The following SIRPB2 variants were observed in gnomAD, a reference collection of about 807,000 sequenced individuals.
The protein encoded by SIRPB2 is signal-regulatory protein beta-2.
Under a neutral mutation model 27.1 loss-of-function variants are expected in SIRPB2, and 18 were observed. That is an observed-to-expected ratio of 0.66 (90% CI 0.46 to 0.98). The LOEUF is 0.98. Among genes scored for constraint, SIRPB2 ranks in the 50% least tolerant of loss-of-function variants. The probability of loss-of-function intolerance (pLI) is 0.00; values close to 1 mark genes in which losing one functional copy is unlikely to be tolerated. For missense variants in SIRPB2, 420 were observed against 417.4 expected (o/e 1.01, Z -0.06); for synonymous variants, 150 against 164.6 (o/e 0.91, Z 0.68).
intron 1 of SIRPB2, among the ~76,000 whole-genome samples, chr20:1,490,831 G>A (rs2090769996): frequency 6.6e-6 from 1 of 152,216 alleles, no homozygotes; most frequent in Non-Finnish European, 1.5e-5. Flanking sequence ...CTGCTCTGCT[G>A]TGTTGCTCAA....
chr20:1,477,382 T>A lies in SIRPB2; in HGVS notation c.815A>T (p.Glu272Val). ...KVKAKSTSSKEAEFTSEPATE... is the reference protein window; with the variant it reads ...KVKAKSTSSKVAEFTSEPATE... The stretch of plus-strand genomic sequence containing the variant: ...TGCAGGTTCACTGGTGAATTCTGCC[T>A]CTTTGGAAGAGGTAGATTTTGCTGC... The change falls in exon 4 of 5, where the codon GAG (glutamate) becomes GTG (valine). Residue 272 changes from glutamate (E) to valine (V), a missense_variant. Glu to Val is a moderately radical substitution (Grantham distance 121). Transcript: ENST00000359801. 6.2e-7 allele frequency: 1 copy of A among 1,613,646 alleles called. No homozygotes were observed. The highest frequency in any genetic ancestry group is 8.5e-7 in the Non-Finnish European group (1 of 1,179,600).
intron 1 of SIRPB2, among the ~76,000 whole-genome samples, chr20:1,482,285 T>C (rs1385213671): frequency 6.6e-6 from 1 of 152,200 alleles, no homozygotes; most frequent in East Asian, 1.9e-4. Context: ...CAATACATTG[T>C]TGTGAATTAT....
At chr20:1,485,740 T>C (rs1002927534) in intron 1 of SIRPB2, among the ~76,000 whole-genome samples, 24 of 151,830 alleles carry the variant, frequency 1.6e-4, no homozygotes, top group African/African-American at 5.8e-4. Context: ...TCTAGTCAGA[T>C]TGAACAGAGG....
chr20:1,490,489 C>T lies in SIRPB2; in HGVS notation c.85+786G>A, dbSNP rs534532682. Among the ~76,000 whole-genome samples the T allele has an allele frequency of 2.6e-5, 4 of 152,302 alleles. No individual in the cohort carries two copies. The East Asian group carries it at 7.7e-4, about 29-fold the overall frequency. The stretch of plus-strand genomic sequence containing the variant: ...GAGGCTGAGCTATATATTCAGGGGT[C>T]TCAAGACTCTGGAGCTAACCTGGCC... On this transcript the variant is annotated intron_variant, in intron 1 of 4. Coordinates refer to ENST00000359801, the MANE Select transcript of SIRPB2 (RefSeq NM_001122962.2).
chr20:1,487,709 C>T (rs570420822), intron 1 of SIRPB2, among the ~76,000 whole-genome samples: 2 of 152,154 alleles, frequency 1.3e-5, no homozygotes, highest in Non-Finnish European at 2.9e-5. Flanking sequence ...TGGGTGTGAT[C>T]GTCATAGCAC....
In SIRPB2 at chr20:1,476,221, G is replaced by A. The variant is rs1311682419; in HGVS notation, c.975C>T (p.Thr325=). 6.2e-7 allele frequency: 1 copy of A among 1,614,074 alleles called. No individual in the cohort carries two copies. The highest frequency in any genetic ancestry group is 8.5e-7 in the Non-Finnish European group (1 of 1,179,988). The change falls in exon 5 of 5, where the codon ACC becomes ACT. Residue 325 remains threonine (T), a synonymous_variant. Transcript: ENST00000359801. ...RRSPGQEDVK[T]TGPAGAMNTL... ...TGTTCATGGCTCCTGCTGGGCCTGT[G>A]GTCTTGACATCTTCTTGCCCAGGGC... is the stretch of plus-strand genomic sequence containing the variant.
Position 1,479,651 on chromosome 20 carries a change from A to G in SIRPB2, c.451+49T>C, listed in dbSNP as rs757753641. The G allele has an allele frequency of 2.3e-5, 37 of 1,595,202 alleles. 1 individual carries two copies. In the Admixed American group the frequency reaches 6.3e-4, roughly 27 times the overall value. The stretch of plus-strand genomic sequence containing the variant: ...ATACAGTGGATAAAGGTGACTGTGC[A>G]GGGAAACAGACTGGAGCAAATGTGT... On this transcript the variant is annotated intron_variant, in intron 2 of 4. Coordinates refer to ENST00000359801, the MANE Select transcript of SIRPB2 (RefSeq NM_001122962.2).
chr20:1,482,563 C>G (rs1372527725), intron 1 of SIRPB2, among the ~76,000 whole-genome samples: 1 of 151,134 alleles, frequency 6.6e-6, no homozygotes, highest in African/African-American at 2.4e-5. Flanking sequence ...TCCTTCCTCT[C>G]TCTCTTTCTC....
At chr20:1,477,160 G>A in intron 4 of SIRPB2, 178 bp downstream of exon 4, 2 of 1,573,082 alleles carry the variant, frequency 1.3e-6, no homozygotes, top group Non-Finnish European at 8.6e-7. Flanking sequence ...TTATAGCTGA[G>A]CTGTTATAAC....
chr20:1,473,457 T>C (rs970350185), downstream of SIRPB2, among the ~76,000 whole-genome samples: 3 of 151,828 alleles, frequency 2.0e-5, no homozygotes, highest in Non-Finnish European at 2.9e-5. Flanking sequence ...CACACCCACA[T>C]AGGTGCACAC....
At chr20:1,479,571 A>G in intron 2 of SIRPB2, 129 bp downstream of exon 2, 3 of 1,361,330 alleles carry the variant, frequency 2.2e-6, no homozygotes, top group Non-Finnish European at 3.0e-6. Flanking sequence ...ATGTGCATGT[A>G]GAGATACAAA....
At position 1,479,982 on chromosome 20, in the gene SIRPB2, G is replaced by A. The variant is rs1476004109; in HGVS notation, c.169C>T (p.Leu57=). ...PMLVAEGETL[L]LRCMVVGSCT... ...GAGCCGACCACCATACACCTCAGTA[G>A]AAGTGTCTCACCTTCTGCCACCAGC... Residue 57 remains leucine (L), a synonymous_variant, in exon 2 of 5, where the codon CTA becomes TTA. Transcript: ENST00000359801. 6.2e-7 allele frequency: 1 copy of A among 1,614,172 alleles called. No individual in the cohort carries two copies. The highest frequency in any genetic ancestry group is 8.5e-7 in the Non-Finnish European group (1 of 1,180,042).
downstream of SIRPB2, chr20:1,470,843 A>G (rs1224389762): frequency 1.3e-5 from 2 of 152,238 alleles, no homozygotes; most frequent in Non-Finnish European, 2.9e-5. Context: ...CATGATTGTA[A>G]GTGACGCTCC....
In SIRPB2 at chr20:1,477,498, C is replaced by T. The variant is rs1438656497; in HGVS notation, c.794-95G>A. Reference sequence around the variant, plus strand: ...GCTGGGATCTCTGGGATGAGTCTGCCAGTTTCTATGTGGGTATGGGCTAGA... The same window carrying T: ...GCTGGGATCTCTGGGATGAGTCTGCTAGTTTCTATGTGGGTATGGGCTAGA... On this transcript the variant is annotated intron_variant, in intron 3 of 4. Transcript: ENST00000359801. 3.3e-6 allele frequency: 5 copies of T among 1,528,102 alleles called. No homozygotes were observed. The African/African-American group carries it at 6.9e-5, about 21-fold the overall frequency. The allele number at this position is 1,528,102 out of a possible 1,614,324, so 94.7% of individuals were successfully genotyped here.
chr20:1,477,180 T>C (rs1463963530), intron 4 of SIRPB2, 158 bp downstream of exon 4: 7 of 1,599,012 alleles, frequency 4.4e-6, no homozygotes, highest in Non-Finnish European at 6.0e-6. Flanking sequence ...CATGGTTCTC[T>C]GGGGTCCTAG....
At position 1,477,414 on chromosome 20, in the gene SIRPB2, G is replaced by A; in HGVS notation, c.794-11C>T. ...AAGAGGTAGATTTTGCTGCAAGGGA[G>A]AGAGGCTTTGTCATACTTCCCTTTA... On this transcript the variant is annotated splice_polypyrimidine_tract_variant and intron_variant, in intron 3 of 4. Transcript: ENST00000359801. 1.2e-6 allele frequency: 2 copies of A among 1,608,002 alleles called. No homozygotes were observed. Among genetic ancestry groups the A allele is most frequent in the East Asian group, 2.2e-5 (1 of 44,768 alleles).
downstream of SIRPB2, chr20:1,471,221 C>A (rs1232175760): frequency 6.6e-6 from 1 of 152,210 alleles, no homozygotes; most frequent in Non-Finnish European, 1.5e-5. Context: ...GGCTTAATGG[C>A]ATTGGGGCAT....
In SIRPB2 at chr20:1,478,395, T is replaced by G; in HGVS notation, c.664A>C (p.Asn222His). 1.2e-6 allele frequency: 2 copies of G among 1,614,194 alleles called. No individual in the cohort carries two copies. The highest frequency in any genetic ancestry group is 1.7e-6 in the Non-Finnish European group (2 of 1,180,044). ...HPKETAVQAS[N>H]NDFSILLQNV... Reference sequence around the variant, plus strand: ...TGCAGAAGAATGCTGAAGTCATTGTTGGAGGCCTGCACCGCTGTCTCCTTG... The same window carrying G: ...TGCAGAAGAATGCTGAAGTCATTGTGGGAGGCCTGCACCGCTGTCTCCTTG... The change falls in exon 3 of 5, where the codon AAC becomes CAC. Residue 222 changes from asparagine to histidine, a missense_variant. Transcript: ENST00000359801.
chr20:1,479,000 C>T (rs2090638731), intron 2 of SIRPB2: 5 of 186,644 alleles, frequency 2.7e-5, no homozygotes, highest in African/African-American at 4.7e-5. Flanking sequence ...TGAACTCCCA[C>T]GTACAGATAC....
Sources: gnomAD v4.1 joint callset for allele counts (sites outside exome capture counted in the v4.1 genomes callset) on GRCh38, gnomAD v4.1.1 for gene constraint, MANE v1.5 for transcripts, NCBI Gene and HGNC (gene_info 2026-07-23, HGNC 2026-07-21) for gene names.